Variants in ZFAND4 observed in about 807,000 individuals in gnomAD.
The protein encoded by ZFAND4 is AN1-type zinc finger protein 4.
ZFAND4 carries 43 observed loss-of-function variants against 64.4 expected under a neutral mutation model. The observed-to-expected ratio is 0.67, with a 90% confidence interval of 0.52 to 0.86. The LOEUF is 0.86. ZFAND4 is among the 40% of genes least tolerant of loss of function. The pLI is 0.00. For missense variants in ZFAND4, 929 were observed against 859.8 expected (o/e 1.08, Z -1.01); for synonymous variants, 296 against 305.7 (o/e 0.97, Z 0.33).
At chr10:45,658,454 A>G (rs780053631) in intron 2 of ZFAND4, among the ~76,000 whole-genome samples, 3 of 152,236 alleles carry the variant, frequency 2.0e-5, no homozygotes, top group African/African-American at 7.2e-5. Context: ...TAAGTCACCC[A>G]GTTTGTGATA....
chr10:45,669,395 T>C (rs2049034957), intron 1 of ZFAND4, among the ~76,000 whole-genome samples: 1 of 152,148 alleles, frequency 6.6e-6, no homozygotes, highest in African/African-American at 2.4e-5. Flanking sequence ...ATTAATAGCC[T>C]ACCAACAAAA....
intron 2 of ZFAND4, among the ~76,000 whole-genome samples, chr10:45,656,863 A>C: frequency 6.6e-6 from 1 of 152,150 alleles, no homozygotes; most frequent in Non-Finnish European, 1.5e-5. Flanking sequence ...TGTAGAAAGA[A>C]AATAGCTATC....
intron 1 of ZFAND4, among the ~76,000 whole-genome samples, chr10:45,666,569 T>C (rs555524319): frequency 1.3e-5 from 2 of 152,356 alleles, no homozygotes; most frequent in East Asian, 1.9e-4. Flanking sequence ...ATTTTTCTTT[T>C]ATCATACTTA....
Position 45,616,543 on chromosome 10 carries a change from G to A in ZFAND4, c.2077C>T (p.Arg693Cys), listed in dbSNP as rs755667182. ...GTACAGCCATGAGTTTCTGCATAACGATGAGATGCACAGAAGTTGTTTCCA... is the reference window on the plus strand; with the variant it reads ...GTACAGCCATGAGTTTCTGCATAACAATGAGATGCACAGAAGTTGTTTCCA... ...RCGNNFCASH[R>C]YAETHGCTYD... Residue 693 changes from arginine to cysteine, a missense_variant, in exon 10 of 10, where the codon CGT (arginine) becomes TGT (cysteine). By Grantham distance (180) the Arg-to-Cys change is radical (BLOSUM62 -3). Transcript: ENST00000344646. 56 of 1,613,960 alleles carry A rather than the reference G, an allele frequency of 3.5e-5. No individual in the cohort carries two copies. The highest frequency in any genetic ancestry group is 5.0e-5 in the Admixed American group (3 of 59,988).
At chr10:45,664,952 C>T (rs563062742) in intron 1 of ZFAND4, among the ~76,000 whole-genome samples, 1 of 152,002 alleles carries the variant, frequency 6.6e-6, no homozygotes, top group South Asian at 2.1e-4. Flanking sequence ...AAAAGTAGTA[C>T]TCACTAAATC....
chr10:45,660,172 A>G (rs967522431), intron 2 of ZFAND4, among the ~76,000 whole-genome samples: 20 of 151,182 alleles, frequency 1.3e-4, no homozygotes, highest in African/African-American at 4.4e-4. Flanking sequence ...AAAAAAAAAA[A>G]AAAAAAGAAA....
intron 1 of ZFAND4, among the ~76,000 whole-genome samples, chr10:45,665,041 A>G (rs2048725042): frequency 6.6e-6 from 1 of 152,238 alleles, no homozygotes; most frequent in South Asian, 2.1e-4. Flanking sequence ...CTCTGCTCAC[A>G]TACATACAAT....
At chr10:45,618,057 A>G in intron 9 of ZFAND4, 83 bp downstream of exon 9, 2 of 1,414,040 alleles carry the variant, frequency 1.4e-6, no homozygotes. Flanking sequence ...ATAAACAGGC[A>G]ATTTAAATAT....
intron 2 of ZFAND4, among the ~76,000 whole-genome samples, chr10:45,660,176 A>G (rs991670763): frequency 6.6e-6 from 1 of 151,570 alleles, no homozygotes; most frequent in Non-Finnish European, 1.5e-5. Flanking sequence ...AAAAAAAAAA[A>G]AAGAAAAATG....
In ZFAND4 at chr10:45,663,699, G is replaced by T; in HGVS notation, c.27C>A (p.Phe9Leu). The T allele has an allele frequency of 6.2e-7, 1 of 1,601,994 alleles. No homozygotes were observed. The highest frequency in any genetic ancestry group is 8.5e-7 in the Non-Finnish European group (1 of 1,177,226). The change falls in exon 2 of 10, where the codon TTC (phenylalanine) becomes TTA (leucine). Residue 9 changes from phenylalanine (F) to leucine (L), a missense_variant. Physicochemically the swap from Phe to Leu is conservative, Grantham distance 22 (BLOSUM62 0). Coordinates refer to ENST00000344646, the MANE Select transcript of ZFAND4 (RefSeq NM_174890.4). MDNRKEPP[F>L]FNDDNMGPFY... Reference sequence around the variant, plus strand: ...ATGGTCCCATGTTATCATCATTGAAGAATGGAGGCTCTTTTCTGTTATCCA... The same window carrying T: ...ATGGTCCCATGTTATCATCATTGAATAATGGAGGCTCTTTTCTGTTATCCA...
intron 2 of ZFAND4, among the ~76,000 whole-genome samples, chr10:45,657,211 T>C (rs1288481583): frequency 6.6e-6 from 1 of 152,092 alleles, no homozygotes; most frequent in African/African-American, 2.4e-5. Flanking sequence ...AGACAGGGTT[T>C]CGCAATGTTG....
At position 45,626,469 on chromosome 10, in the gene ZFAND4, C is replaced by T; in HGVS notation, c.1354G>A (p.Glu452Lys). The change falls in exon 7 of 10, where the codon GAA becomes AAA. Residue 452 changes from glutamate (E) to lysine (K), a missense_variant. Transcript: ENST00000344646. ...LKHVAGVLNG[E>K]SVETSVLNYR... ...TTAAGAACTGAAGTCTCTACTGATT[C>T]CCCATTCAGCACTCCTGCAACATGC... The T allele has an allele frequency of 6.2e-7, 1 of 1,613,630 alleles. No individual in the cohort carries two copies. The highest frequency in any genetic ancestry group is 8.5e-7 in the Non-Finnish European group (1 of 1,180,030).
chr10:45,650,593 T>TA (rs2047697191), intron 4 of ZFAND4: 1 of 152,136 alleles, frequency 6.6e-6, no homozygotes, highest in Admixed American at 6.5e-5. Context: ...AAAATAATTT[T>TA]AGTTCTAATA....
intron 5 of ZFAND4, 92 bp from the exon 6 acceptor site, chr10:45,640,055 C>A: frequency 1.4e-6 from 2 of 1,400,610 alleles, no homozygotes; most frequent in Non-Finnish European, 1.9e-6. Context: ...ATAGAAGTTA[C>A]TAATGATAAA....
Position 45,663,695 on chromosome 10 carries a change from T to A in ZFAND4, c.31A>T (p.Asn11Tyr), listed in dbSNP as rs779725103. 3.1e-6 allele frequency: 5 copies of A among 1,602,956 alleles called. No homozygotes were observed. Among genetic ancestry groups the A allele is most frequent in the Non-Finnish European group, 4.2e-6 (5 of 1,177,492 alleles). The change falls in exon 2 of 10, where the codon AAT (asparagine) becomes TAT (tyrosine). Residue 11 changes from asparagine to tyrosine, a missense_variant. Transcript: ENST00000344646. MDNRKEPPFF[N>Y]DDNMGPFYYR... ...TAAAATGGTCCCATGTTATCATCAT[T>A]GAAGAATGGAGGCTCTTTTCTGTTA...
intron 5 of ZFAND4, among the ~76,000 whole-genome samples, chr10:45,642,110 G>A (rs977810587): frequency 1.4e-4 from 21 of 152,128 alleles, no homozygotes; most frequent in African/African-American, 3.6e-4. Flanking sequence ...GAGTTAGAAG[G>A]AATAACTCAA....
In ZFAND4 at chr10:45,626,024, G is replaced by T. The variant is rs1320561723; in HGVS notation, c.1799C>A (p.Thr600Lys). 6.2e-7 allele frequency: 1 copy of T among 1,614,028 alleles called. No individual in the cohort carries two copies. The highest frequency in any genetic ancestry group is 8.5e-7 in the Non-Finnish European group (1 of 1,180,034). Residue 600 changes from threonine (T) to lysine (K), a missense_variant, in exon 7 of 10, where the codon ACA becomes AAA. Thr to Lys is a moderately conservative substitution (Grantham distance 78). Transcript: ENST00000344646. Reference protein sequence around the residue: ...RLQNSGTGLSTNLQHFQEENF... With the variant: ...RLQNSGTGLSKNLQHFQEENF... ...TTCTTCCTGAAAATGCTGGAGGTTT[G>T]TAGACAGCCCAGTTCCAGAGTTCTG...
At chr10:45,620,868 G>A (rs1396137272) in intron 8 of ZFAND4, 1 of 152,074 alleles carries the variant, frequency 6.6e-6, no homozygotes, top group Non-Finnish European at 1.5e-5. Context: ...GACTTATCCT[G>A]TAAGACATCA....
intron 4 of ZFAND4, 118 bp from the exon 5 acceptor site, chr10:45,648,652 A>C (rs1371255744): frequency 9.1e-7 from 1 of 1,097,730 alleles, no homozygotes; most frequent in Non-Finnish European, 1.2e-6. Flanking sequence ...TAATATAAAC[A>C]TGATATTCTT....
Sources: allele counts gnomAD v4.1 joint callset (sites outside exome capture counted in the v4.1 genomes callset), GRCh38; gene constraint gnomAD v4.1.1; transcripts MANE v1.5; gene names NCBI Gene and HGNC (gene_info 2026-07-23, HGNC 2026-07-21).